RAB3GAP2: variants seen among roughly 807,000 people sequenced by gnomAD.
The protein encoded by RAB3GAP2 is rab3 GTPase-activating protein non-catalytic subunit.
In RAB3GAP2, 87 loss-of-function variants were observed where a neutral mutation model predicts 185.3. The ratio of observed to expected loss-of-function variants is 0.47; its 90% CI spans 0.39 to 0.56. RAB3GAP2 has a LOEUF of 0.56. Among genes scored for constraint, RAB3GAP2 ranks in the 20% least tolerant of loss-of-function variants. The pLI, the probability that RAB3GAP2 is intolerant of heterozygous loss-of-function variation, is 0.00. For synonymous variants in RAB3GAP2, 554 were observed against 576.1 expected (o/e 0.96, Z 0.55); for missense variants, 1,492 against 1,638.2 (o/e 0.91, Z 1.54).
In RAB3GAP2 at chr1:220,222,871, G is replaced by A. The variant is rs114369020; in HGVS notation, c.181-8892C>T. On this transcript the variant is annotated intron_variant, in intron 2 of 34. Coordinates refer to ENST00000358951, the MANE Select transcript of RAB3GAP2 (RefSeq NM_012414.4). ...ATGATGATCATTTTTAGATGTTAGG[G>A]ATGGGTTATTTTATTATTTTTATTT... Among the ~76,000 whole-genome samples the A allele has an allele frequency of 3.2e-3, 481 of 152,092 alleles. 2 individuals are homozygous for A. Among genetic ancestry groups the A allele is most frequent in the African/African-American group, 0.011 (446 of 41,480 alleles).
intron 7 of RAB3GAP2, among the ~76,000 whole-genome samples, chr1:220,206,517 A>G (rs894076452): frequency 1.3e-5 from 2 of 152,120 alleles, no homozygotes; most frequent in African/African-American, 4.8e-5. Flanking sequence ...CATTATATGT[A>G]CCCGATTTTA....
intron 1 of RAB3GAP2, among the ~76,000 whole-genome samples, chr1:220,241,730 G>A (rs1056687301): frequency 2.6e-5 from 4 of 151,962 alleles, no homozygotes; most frequent in African/African-American, 9.7e-5. Context: ...TTTCATATTA[G>A]CAAGAAATAC....
intron 9 of RAB3GAP2, chr1:220,200,409 G>GT: frequency 3.0e-6 from 1 of 333,484 alleles, no homozygotes; most frequent in South Asian, 2.6e-5. Flanking sequence ...TCACCAAAAC[G>GT]TAAGCTTTAT....
chr1:220,253,647 T>C (rs1659979918), intron 1 of RAB3GAP2: 1 of 1,592,800 alleles, frequency 6.3e-7, no homozygotes, highest in Non-Finnish European at 8.6e-7. Flanking sequence ...CTCTTCTTTA[T>C]GAAGCAAAGT....
At chr1:220,188,597 G>A (rs1327230407) in intron 17 of RAB3GAP2, among the ~76,000 whole-genome samples, 3 of 152,108 alleles carry the variant, frequency 2.0e-5, no homozygotes, top group African/African-American at 7.2e-5. Context: ...AGAACAGGTG[G>A]GAATATAAAT....
At chr1:220,218,740 TA>T (rs5781167) in intron 2 of RAB3GAP2, among the ~76,000 whole-genome samples, 143 of 146,782 alleles carry the variant, frequency 9.7e-4, no homozygotes, top group African/African-American at 1.8e-3. Flanking sequence ...AAGTATAATT[TA>T]AAAAAAAAAA....
rs113256801 is a variant in RAB3GAP2, at chr1:220,200,601, C to G, written c.811+1675G>C. On this transcript the variant is annotated intron_variant, in intron 9 of 34. Coordinates refer to ENST00000358951, the MANE Select transcript of RAB3GAP2 (RefSeq NM_012414.4). Reference sequence around the variant, plus strand: ...AATAGTTTCTATCCAATCATTTTCCCTAGCCAGTTTCAATGTTCCAAAGTT... The same window carrying G: ...AATAGTTTCTATCCAATCATTTTCCGTAGCCAGTTTCAATGTTCCAAAGTT... 1.3e-3 allele frequency: 685 copies of G among 529,108 alleles called. 5 individuals are homozygous for G. Among genetic ancestry groups the G allele is most frequent in the African/African-American group, 0.012 (624 of 51,954 alleles). The allele number at this position is 529,108 out of a possible 1,614,324, so 32.8% of individuals were successfully genotyped here. A position where few individuals can be genotyped will look rare whatever the true frequency, so the allele number is the denominator to read the frequency against.
At chr1:220,208,498 A>G (rs1339200800) in intron 7 of RAB3GAP2, among the ~76,000 whole-genome samples, 1 of 152,168 alleles carries the variant, frequency 6.6e-6, no homozygotes, top group East Asian at 1.9e-4. Flanking sequence ...GTTTTGTATC[A>G]TTACATGATA....
Position 220,182,295 on chromosome 1 carries a change from T to G in RAB3GAP2, c.2272A>C (p.Thr758Pro). The G allele has an allele frequency of 6.2e-7, 1 of 1,614,048 alleles. No homozygotes were observed. The highest frequency in any genetic ancestry group is 8.5e-7 in the Non-Finnish European group (1 of 1,180,000). Residue 758 changes from threonine (T) to proline (P), a missense_variant, in exon 21 of 35, where the codon ACT becomes CCT. Thr to Pro is a conservative substitution (Grantham distance 38). Coordinates refer to ENST00000358951, the MANE Select transcript of RAB3GAP2 (RefSeq NM_012414.4). ...GESSTEDMCHTLESAGLSPQL... is the reference protein window; with the variant it reads ...GESSTEDMCHPLESAGLSPQL... ...GGGCTAAGACCAGCCGACTCCAAAG[T>G]GTGACACATATCCTCAGTGGAGCTT...
chr1:220,228,760 T>C (rs924933202), intron 2 of RAB3GAP2, among the ~76,000 whole-genome samples: 2 of 152,196 alleles, frequency 1.3e-5, no homozygotes, highest in Non-Finnish European at 2.9e-5. Flanking sequence ...AAATAATTGG[T>C]ACACCCAAAA....
rs572027376 is a variant in RAB3GAP2 at position 220,206,019 on chromosome 1, TAAAAA to T, written c.613-18_613-14del. 4 of 1,227,896 alleles carry T rather than the reference TAAAAA, an allele frequency of 3.3e-6. No individual in the cohort carries two copies. In the South Asian group the frequency reaches 6.4e-5, roughly 20 times the overall value. 76.1% of individuals were successfully genotyped at this position (1,227,896 alleles called of 1,614,324 possible). A position where few individuals can be genotyped will look rare whatever the true frequency, so the allele number is the denominator to read the frequency against. On this transcript the variant is annotated splice_polypyrimidine_tract_variant and intron_variant, in intron 7 of 34. Transcript: ENST00000358951. ...TCAACTCTTCATTCTATTTAAGAAA[TAAAAA>T]AAAAAAGTTCTTGAATAGATAAATA... is the stretch of plus-strand genomic sequence containing the variant.
intron 10 of RAB3GAP2, 137 bp downstream of exon 10, chr1:220,196,113 T>C: frequency 2.1e-6 from 2 of 948,446 alleles, no homozygotes; most frequent in Non-Finnish European, 1.6e-6. Flanking sequence ...CTAGTTGAGA[T>C]TAATTTTAGT....
At chr1:220,257,577 T>C (rs543929660) in intron 1 of RAB3GAP2, among the ~76,000 whole-genome samples, 2 of 152,204 alleles carry the variant, frequency 1.3e-5, no homozygotes, top group South Asian at 4.1e-4. Context: ...GCTAAAACAG[T>C]GTTAAGAGGG....
chr1:220,197,295 G>A (rs112429495), intron 9 of RAB3GAP2, among the ~76,000 whole-genome samples: 6,097 of 152,096 alleles, frequency 0.04, 419 homozygotes, highest in African/African-American at 0.14. Context: ...GCCAATATAG[G>A]CGTGTGCTGC....
chr1:220,253,677 G>C (rs11545522), intron 1 of RAB3GAP2: 1 of 1,605,972 alleles, frequency 6.2e-7, no homozygotes, highest in African/African-American at 1.3e-5. Context: ...TTGCCATAAA[G>C]GACAAACAAG....
chr1:220,171,201 G>A (rs1658169683), intron 23 of RAB3GAP2, 81 bp from the exon 24 acceptor site: 1 of 1,196,542 alleles, frequency 8.4e-7, no homozygotes, highest in Non-Finnish European at 1.2e-6. Context: ...CTTGAAAGCT[G>A]ATGGATACTG....
chr1:220,159,006 T>C (rs1450508060), intron 29 of RAB3GAP2, among the ~76,000 whole-genome samples: 3 of 152,196 alleles, frequency 2.0e-5, no homozygotes, highest in South Asian at 4.1e-4. Context: ...TATGTTATTA[T>C]ATATATCATA....
chr1:220,181,693 T>C (rs1038027724), intron 21 of RAB3GAP2, among the ~76,000 whole-genome samples: 4 of 152,132 alleles, frequency 2.6e-5, no homozygotes, highest in Non-Finnish European at 5.9e-5. Context: ...TGCACGCATA[T>C]AGATGGGTGC....
chr1:220,271,483 T>C (rs1660331970), intron 1 of RAB3GAP2, among the ~76,000 whole-genome samples: 1 of 152,228 alleles, frequency 6.6e-6, no homozygotes, highest in East Asian at 1.9e-4. Flanking sequence ...GAAAGGCTTA[T>C]TAAACACTTT....
Sources: gnomAD v4.1 joint callset for allele counts (sites outside exome capture counted in the v4.1 genomes callset) on GRCh38, gnomAD v4.1.1 for gene constraint, MANE v1.5 for transcripts, NCBI Gene and HGNC (gene_info 2026-07-23, HGNC 2026-07-21) for gene names.